Variants in GABRG3 observed in about 807,000 individuals in gnomAD.
GABRG3 encodes the protein gamma-aminobutyric acid type A receptor subunit gamma3.
A neutral mutation model predicts 48.8 loss-of-function variants in GABRG3; 25 were observed. That is an observed-to-expected ratio of 0.51 (90% CI 0.37 to 0.72). GABRG3 has a LOEUF of 0.72. Among genes scored for constraint, GABRG3 ranks in the 30% least tolerant of loss-of-function variants. The probability of loss-of-function intolerance (pLI) is 0.00; values close to 1 mark genes in which losing one functional copy is unlikely to be tolerated. For missense variants in GABRG3, 394 were observed against 577.9 expected (o/e 0.68, Z 3.26); for synonymous variants, 227 against 217.6 (o/e 1.04, Z -0.38).
chr15:27,262,228 G>A (rs943453616), intron 3 of GABRG3, among the ~76,000 whole-genome samples: 7 of 152,180 alleles, frequency 4.6e-5, no homozygotes, highest in African/African-American at 1.2e-4. Flanking sequence ...GGGCCCTCCC[G>A]CGCATTTGCG....
In GABRG3 at chr15:27,328,760, C is replaced by T. The variant is rs1595680818; in HGVS notation, c.492-46C>T. The stretch of plus-strand genomic sequence containing the variant: ...GGTGCCGTAACGGCCGCCGGCCTTG[C>T]CCTGTGCTGTGTGCTGAGCTAGACT... On this transcript the variant is annotated intron_variant, in intron 4 of 9. Transcript: ENST00000615808. 2.6e-6 allele frequency: 4 copies of T among 1,560,640 alleles called. No homozygotes were observed. In the East Asian group the frequency reaches 9.0e-5, roughly 35 times the overall value.
intron 3 of GABRG3, among the ~76,000 whole-genome samples, chr15:27,322,711 G>A (rs1217374988): frequency 6.6e-6 from 1 of 152,170 alleles, no homozygotes; most frequent in African/African-American, 2.4e-5. Context: ...CAGTGTAAAT[G>A]TGGAGGACAC....
chr15:26,995,982 C>T (rs1252969014), intron 2 of GABRG3, among the ~76,000 whole-genome samples: 2 of 152,130 alleles, frequency 1.3e-5, no homozygotes, highest in African/African-American at 2.4e-5. Flanking sequence ...TTCCTACTCA[C>T]GTCCTTGTGC....
chr15:27,258,473 G>A (rs933696650), intron 3 of GABRG3, among the ~76,000 whole-genome samples: 1 of 152,016 alleles, frequency 6.6e-6, no homozygotes, highest in African/African-American at 2.4e-5. Context: ...CTGCATAGCT[G>A]AGTGTGAGCC....
intron 3 of GABRG3, among the ~76,000 whole-genome samples, chr15:27,243,122 A>G (rs1275383442): frequency 6.6e-6 from 1 of 152,154 alleles, no homozygotes; most frequent in Non-Finnish European, 1.5e-5. Flanking sequence ...GGTCAACTTC[A>G]CAAATATCTT....
At chr15:27,141,421 T>C (rs939130782) in intron 3 of GABRG3, among the ~76,000 whole-genome samples, 7 of 152,232 alleles carry the variant, frequency 4.6e-5, no homozygotes, top group African/African-American at 1.4e-4. Context: ...TAGGGCTCTC[T>C]GGTTCCTGCG....
chr15:27,176,804 G>A (rs1264077332), intron 3 of GABRG3, among the ~76,000 whole-genome samples: 3 of 152,178 alleles, frequency 2.0e-5, no homozygotes, highest in African/African-American at 4.8e-5. Context: ...ATGCCATAGG[G>A]TGGGGAGCTG....
chr15:27,038,504 G>A (rs900078182), intron 3 of GABRG3, among the ~76,000 whole-genome samples: 1 of 151,984 alleles, frequency 6.6e-6, no homozygotes, highest in Non-Finnish European at 1.5e-5. Context: ...GTGGACACTG[G>A]TGCTGCTCAC....
At chr15:27,176,059 C>G (rs1297080383) in intron 3 of GABRG3, among the ~76,000 whole-genome samples, 1 of 149,536 alleles carries the variant, frequency 6.7e-6, no homozygotes, top group Non-Finnish European at 1.5e-5. Flanking sequence ...AAAAAGAAAA[C>G]AAGCCAAAAA....
intron 5 of GABRG3, among the ~76,000 whole-genome samples, chr15:27,388,015 GGGA>G (rs1341332270): frequency 1.7e-5 from 2 of 118,738 alleles, no homozygotes; most frequent in Non-Finnish European, 1.8e-5. Context: ...AGGAAGGAAA[GGGA>G]GGAGGGAGGG....
At chr15:27,472,667 G>A (rs931575416) in intron 5 of GABRG3, among the ~76,000 whole-genome samples, 8 of 152,098 alleles carry the variant, frequency 5.3e-5, no homozygotes, top group East Asian at 1.9e-4. Context: ...TATGTACAAC[G>A]TAATGACAAA....
At chr15:27,006,529 G>A (rs560675617) in intron 2 of GABRG3, among the ~76,000 whole-genome samples, 3 of 152,190 alleles carry the variant, frequency 2.0e-5, no homozygotes, top group Admixed American at 1.3e-4. Context: ...TAGCTTCAGG[G>A]GTACAGATGT....
At chr15:27,117,838 A>T (rs1376802253) in intron 3 of GABRG3, among the ~76,000 whole-genome samples, 1 of 152,198 alleles carries the variant, frequency 6.6e-6, no homozygotes, top group African/African-American at 2.4e-5. Context: ...GAATGTGCTT[A>T]TACATTGGCT....
At chr15:27,383,003 C>A (rs549954214) in intron 5 of GABRG3, among the ~76,000 whole-genome samples, 5 of 152,056 alleles carry the variant, frequency 3.3e-5, no homozygotes, top group African/African-American at 1.2e-4. Flanking sequence ...AAGGAATAGA[C>A]TTTTACAGCC....
intron 3 of GABRG3, among the ~76,000 whole-genome samples, chr15:27,164,732 G>A (rs1273158875): frequency 1.3e-5 from 2 of 152,140 alleles, no homozygotes; most frequent in South Asian, 4.1e-4. Flanking sequence ...GATTTACGTC[G>A]AACCTTTTGT....
intron 3 of GABRG3, among the ~76,000 whole-genome samples, chr15:27,267,187 ACCT>A (rs1468890594): frequency 6.9e-6 from 1 of 144,396 alleles, no homozygotes; most frequent in East Asian, 2.1e-4. Flanking sequence ...GCCCGCTGCA[ACCT>A]CCTCCTCCTG....
chr15:27,306,556 TAATATAA>T (rs1396690432), intron 3 of GABRG3, among the ~76,000 whole-genome samples: 3 of 47,226 alleles, frequency 6.4e-5, no homozygotes, highest in Non-Finnish European at 2.5e-4. Context: ...TAAACATATA[TAATATAA>T]ACATATATGT....
chr15:27,010,952 T>C (rs1300068376), intron 2 of GABRG3, among the ~76,000 whole-genome samples: 1 of 152,102 alleles, frequency 6.6e-6, no homozygotes, highest in Non-Finnish European at 1.5e-5. Flanking sequence ...TTCCAGCGAT[T>C]CTCCTGCCTC....
chr15:27,046,774 G>C (rs1178097469), intron 3 of GABRG3, among the ~76,000 whole-genome samples: 1 of 152,172 alleles, frequency 6.6e-6, no homozygotes, highest in African/African-American at 2.4e-5. Flanking sequence ...TCCACTCTTG[G>C]AGAGGAAGAG....
Sources: allele counts gnomAD v4.1 joint callset (sites outside exome capture counted in the v4.1 genomes callset), GRCh38; gene constraint gnomAD v4.1.1; transcripts MANE v1.5; gene names NCBI Gene and HGNC (gene_info 2026-07-23, HGNC 2026-07-21).